KCND2: variants seen among roughly 807,000 people sequenced by gnomAD.
The protein encoded by KCND2 is A-type voltage-gated potassium channel KCND2.
In KCND2, 16 loss-of-function variants were observed where a neutral mutation model predicts 54.4. That is an observed-to-expected ratio of 0.29 (90% CI 0.20 to 0.45). The LOEUF is 0.45. Ranked by LOEUF, KCND2 falls within the 20% of genes least tolerant of loss-of-function variation. The pLI, the probability that KCND2 is intolerant of heterozygous loss-of-function variation, is 1.00. For synonymous variants in KCND2, 317 were observed against 310.7 expected (o/e 1.02, Z -0.21); for missense variants, 486 against 824.2 (o/e 0.59, Z 5.02).
chr7:120,403,076 A>G (rs1051352987), intron 1 of KCND2, among the ~76,000 whole-genome samples: 5 of 152,184 alleles, frequency 3.3e-5, no homozygotes, highest in Non-Finnish European at 7.3e-5. Flanking sequence ...TGCATTGTCC[A>G]TATGTAAAGA....
chr7:120,624,198 A>T (rs1793137120), intron 1 of KCND2, among the ~76,000 whole-genome samples: 1 of 152,218 alleles, frequency 6.6e-6, no homozygotes, highest in Non-Finnish European at 1.5e-5. Context: ...AAGCATCCTT[A>T]CACATCCCTC....
intron 2 of KCND2, among the ~76,000 whole-genome samples, chr7:120,738,062 C>A (rs1326870907): frequency 6.6e-6 from 1 of 152,002 alleles, no homozygotes; most frequent in Non-Finnish European, 1.5e-5. Context: ...GTTTATGTCA[C>A]TTGGCGTAAT....
intron 1 of KCND2, among the ~76,000 whole-genome samples, chr7:120,361,132 T>A (rs1408144455): frequency 4.6e-5 from 7 of 152,076 alleles, no homozygotes; most frequent in Admixed American, 4.6e-4. Flanking sequence ...GTAGTACCTC[T>A]GTTTTGACTG....
chr7:120,402,229 A>G (rs1801272155), intron 1 of KCND2, among the ~76,000 whole-genome samples: 1 of 152,176 alleles, frequency 6.6e-6, no homozygotes, highest in Non-Finnish European at 1.5e-5. Flanking sequence ...TGTAAATAAT[A>G]GCCATCAGCA....
At chr7:120,733,162 T>A in intron 2 of KCND2, 97 bp downstream of exon 2, 1 of 1,239,990 alleles carries the variant, frequency 8.1e-7, no homozygotes, top group Non-Finnish European at 1.2e-6. Context: ...TCTGGATTGG[T>A]CAGTAGTTGC....
chr7:120,686,401 T>C (rs1792201968), intron 1 of KCND2, among the ~76,000 whole-genome samples: 1 of 152,148 alleles, frequency 6.6e-6, no homozygotes, highest in Admixed American at 6.5e-5. Context: ...TTATTTAACC[T>C]TTAAAAAGAT....
At chr7:120,558,949 T>C (rs1475418535) in intron 1 of KCND2, among the ~76,000 whole-genome samples, 3 of 152,034 alleles carry the variant, frequency 2.0e-5, no homozygotes, top group African/African-American at 7.2e-5. Context: ...ATTATCTGAG[T>C]ATATAAAATA....
At chr7:120,587,238 A>G (rs1584841769) in intron 1 of KCND2, among the ~76,000 whole-genome samples, 1 of 152,148 alleles carries the variant, frequency 6.6e-6, no homozygotes, top group East Asian at 1.9e-4. Flanking sequence ...CAAGACTTCT[A>G]ATTCAGGCCA....
At position 120,410,896 on chromosome 7, in the gene KCND2, A is replaced by G. The variant is rs913392308; in HGVS notation, c.1115+135149A>G. Reference sequence around the variant, plus strand: ...TGAACTCATCCTTTTTTATGGCTGCATAGCATTCCATGGTGTATATGTGCC... The same window carrying G: ...TGAACTCATCCTTTTTTATGGCTGCGTAGCATTCCATGGTGTATATGTGCC... On this transcript the variant is annotated intron_variant, in intron 1 of 5. Coordinates refer to ENST00000331113, the MANE Select transcript of KCND2 (RefSeq NM_012281.3). 3.8e-4 allele frequency among the ~76,000 whole-genome samples: 58 copies of G among 151,952 alleles called. 1 individual carries two copies. The highest frequency in any genetic ancestry group is 1.3e-3 in the African/African-American group (54 of 41,398).
At chr7:120,701,909 A>G (rs1792407342) in intron 1 of KCND2, among the ~76,000 whole-genome samples, 2 of 152,232 alleles carry the variant, frequency 1.3e-5, no homozygotes, top group South Asian at 4.1e-4. Flanking sequence ...CAGTGATTTC[A>G]TGATGAAGAT....
chr7:120,451,630 C>T (rs1238194350), intron 1 of KCND2, among the ~76,000 whole-genome samples: 3 of 152,148 alleles, frequency 2.0e-5, no homozygotes, highest in East Asian at 1.9e-4. Flanking sequence ...AAATGAGTGA[C>T]GTAAGGTTTA....
intron 1 of KCND2, among the ~76,000 whole-genome samples, chr7:120,508,979 G>C (rs1282155051): frequency 2.0e-5 from 3 of 150,962 alleles, no homozygotes; most frequent in Non-Finnish European, 4.4e-5. Context: ...AGAGACTGGT[G>C]CTGATTGCAA....
At chr7:120,592,733 G>A (rs919991317) in intron 1 of KCND2, among the ~76,000 whole-genome samples, 1 of 152,156 alleles carries the variant, frequency 6.6e-6, no homozygotes, top group African/African-American at 2.4e-5. Flanking sequence ...TTGGAAACAA[G>A]TTACACAGAT....
chr7:120,543,778 G>A (rs1382472629), intron 1 of KCND2, among the ~76,000 whole-genome samples: 1 of 151,868 alleles, frequency 6.6e-6, no homozygotes, highest in South Asian at 2.1e-4. Context: ...GTCCATATGG[G>A]CACCTACTCT....
chr7:120,522,338 A>G (rs1584811966), intron 1 of KCND2, among the ~76,000 whole-genome samples: 1 of 152,204 alleles, frequency 6.6e-6, no homozygotes, highest in Non-Finnish European at 1.5e-5. Context: ...AACAATGCAC[A>G]AAGACTGACT....
chr7:120,733,238 A>G (rs1299610010), intron 2 of KCND2, among the ~76,000 whole-genome samples, 173 bp downstream of exon 2: 9 of 152,142 alleles, frequency 5.9e-5, no homozygotes, highest in Non-Finnish European at 1.2e-4. Context: ...GGCTTAAAAC[A>G]ATAAGCAATA....
chr7:120,677,646 G>A (rs1467754297), intron 1 of KCND2, among the ~76,000 whole-genome samples: 1 of 151,548 alleles, frequency 6.6e-6, no homozygotes, highest in African/African-American at 2.4e-5. Context: ...ATATCCAGAA[G>A]ATAGAACATA....
intron 1 of KCND2, among the ~76,000 whole-genome samples, chr7:120,298,398 A>G (rs1381801455): frequency 1.3e-5 from 2 of 152,206 alleles, no homozygotes; most frequent in African/African-American, 4.8e-5. Flanking sequence ...AATGTGAACT[A>G]TACCAGTCTA....
At chr7:120,375,614 T>C (rs1800825909) in intron 1 of KCND2, among the ~76,000 whole-genome samples, 1 of 151,796 alleles carries the variant, frequency 6.6e-6, no homozygotes, top group Admixed American at 6.6e-5. Context: ...TAAAAAGATA[T>C]GGTTCTTCAT....
Sources: allele counts gnomAD v4.1 joint callset (sites outside exome capture counted in the v4.1 genomes callset), GRCh38; gene constraint gnomAD v4.1.1; transcripts MANE v1.5; gene names NCBI Gene and HGNC (gene_info 2026-07-23, HGNC 2026-07-21).